STAU2: variants seen among roughly 807,000 people sequenced by gnomAD.
STAU2 encodes staufen double-stranded RNA binding protein 2.
A neutral mutation model predicts 65.9 loss-of-function variants in STAU2; 20 were observed. The observed-to-expected ratio is 0.30, with a 90% CI of 0.21 to 0.44. The LOEUF (loss-of-function observed/expected upper bound fraction) is 0.44. Ranked by LOEUF, STAU2 falls within the 20% of genes least tolerant of loss-of-function variation. The pLI, the probability that STAU2 is intolerant of heterozygous loss-of-function variation, is 1.00. For synonymous variants in STAU2, 232 were observed against 233.9 expected, an observed-to-expected ratio of 0.99 and a Z score of 0.07; for missense variants, 558 against 683.9, an observed-to-expected ratio of 0.82 and a Z score of 2.05.
At chr8:73,672,294 G>C (rs1046719533) in intron 6 of STAU2, 1 of 152,102 alleles carries the variant, frequency 6.6e-6, no homozygotes, top group African/African-American at 2.4e-5. Context: ...TTCAACAACA[G>C]GCAAAAACTA....
At chr8:73,724,693 T>TA (rs1563531177) in intron 3 of STAU2, among the ~76,000 whole-genome samples, 28 of 112,086 alleles carry the variant, frequency 2.5e-4, no homozygotes, top group Admixed American at 4.5e-4. Context: ...ATATATATAT[T>TA]TTTTTTTTTT....
Position 73,739,808 on chromosome 8 carries a change from T to C in STAU2, c.-136A>G. 1.3e-6 allele frequency: 2 copies of C among 1,524,930 alleles called. No homozygotes were observed. Among genetic ancestry groups the C allele is most frequent in the Non-Finnish European group, 1.8e-6 (2 of 1,140,072 alleles). The allele number at this position is 1,524,930 out of a possible 1,614,324, so 94.5% of individuals were successfully genotyped here. A position where few individuals can be genotyped will look rare whatever the true frequency, so the allele number is the denominator to read the frequency against. On this transcript the variant is annotated 5_prime_UTR_variant, in exon 2 of 15. Coordinates refer to ENST00000524300, the MANE Select transcript of STAU2 (RefSeq NM_001164380.2). ...GTGTATCTTTGAGTTCTTCTTTTTCTGTCTTCTTTTTTTTCTTCAATCTTT... is the reference window on the plus strand; with the variant it reads ...GTGTATCTTTGAGTTCTTCTTTTTCCGTCTTCTTTTTTTTCTTCAATCTTT...
chr8:73,568,492 A>G (rs576027123), intron 12 of STAU2, among the ~76,000 whole-genome samples: 22 of 152,196 alleles, frequency 1.4e-4, no homozygotes, highest in Non-Finnish European at 2.6e-4. Context: ...AAAATTAGCT[A>G]CTTGAAAGGC....
chr8:73,426,928 T>A (rs112034929), intron 13 of STAU2, among the ~76,000 whole-genome samples: 1,556 of 132,990 alleles, frequency 0.012, 29 homozygotes, highest in African/African-American at 0.04. Flanking sequence ...TTTTAAAGAT[T>A]TTTTTTTTTT....
At chr8:73,743,622 C>T (rs995894221) in intron 1 of STAU2, among the ~76,000 whole-genome samples, 7 of 151,604 alleles carry the variant, frequency 4.6e-5, no homozygotes, top group African/African-American at 9.7e-5. Context: ...TACAGGCATG[C>T]GCCACCACGG....
At chr8:73,683,244 C>T (rs575879037) in intron 5 of STAU2, among the ~76,000 whole-genome samples, 66 of 152,206 alleles carry the variant, frequency 4.3e-4, no homozygotes, top group African/African-American at 1.5e-3. Context: ...AATCCAACAG[C>T]GTATCGAAAA....
chr8:73,505,019 G>T (rs1821983498), intron 13 of STAU2, among the ~76,000 whole-genome samples: 1 of 151,970 alleles, frequency 6.6e-6, no homozygotes, highest in Non-Finnish European at 1.5e-5. Context: ...TTCTACTTAG[G>T]TGGGGACCAA....
intron 3 of STAU2, among the ~76,000 whole-genome samples, chr8:73,717,621 T>TG (rs1353588000): frequency 1.7e-4 from 22 of 132,522 alleles, no homozygotes; most frequent in African/African-American, 6.5e-4. Context: ...TCTATTTGTC[T>TG]TTTGTTGTTG....
intron 6 of STAU2, among the ~76,000 whole-genome samples, chr8:73,660,813 C>T (rs141555227): frequency 1.3e-5 from 2 of 152,100 alleles, no homozygotes; most frequent in African/African-American, 2.4e-5. Flanking sequence ...AATTTTAACA[C>T]GGGCCAAAAA....
chr8:73,470,579 C>T (rs1819934826), intron 13 of STAU2, among the ~76,000 whole-genome samples: 1 of 152,130 alleles, frequency 6.6e-6, no homozygotes, highest in African/African-American at 2.4e-5. Flanking sequence ...GGGAGGATTG[C>T]TTGAAGCCAG....
chr8:73,692,238 G>A (rs1034769623), intron 4 of STAU2, among the ~76,000 whole-genome samples: 2 of 149,288 alleles, frequency 1.3e-5, no homozygotes, highest in African/African-American at 5.0e-5. Flanking sequence ...TTGCTCTGTC[G>A]CCAAGGTTGG....
intron 13 of STAU2, among the ~76,000 whole-genome samples, chr8:73,485,335 A>G (rs1169044083): frequency 6.6e-6 from 1 of 151,754 alleles, no homozygotes; most frequent in Non-Finnish European, 1.5e-5. Flanking sequence ...TAAAATTATT[A>G]TTCATATAAC....
chr8:73,430,514 T>G (rs916788279), intron 13 of STAU2, among the ~76,000 whole-genome samples: 3 of 152,184 alleles, frequency 2.0e-5, no homozygotes, highest in African/African-American at 7.2e-5. Context: ...TGGAAAGAGA[T>G]GAGTTTGCTT....
chr8:73,635,188 G>A (rs1814397685), intron 6 of STAU2, among the ~76,000 whole-genome samples: 1 of 152,168 alleles, frequency 6.6e-6, no homozygotes, highest in South Asian at 2.1e-4. Flanking sequence ...AAATAAAGCA[G>A]TAACCCTATT....
At chr8:73,640,278 GAAA>G (rs556577704) in intron 6 of STAU2, among the ~76,000 whole-genome samples, 1 of 149,030 alleles carries the variant, frequency 6.7e-6, no homozygotes, top group East Asian at 1.9e-4. Context: ...ACTTCTACCA[GAAA>G]AAAAAAGAGA....
At chr8:73,530,348 G>A (rs971205622) in intron 13 of STAU2, among the ~76,000 whole-genome samples, 5 of 152,070 alleles carry the variant, frequency 3.3e-5, no homozygotes, top group Non-Finnish European at 7.3e-5. Context: ...CCAACATTTA[G>A]GGCTAGGCTT....
At chr8:73,491,423 G>A (rs1199155657) in intron 13 of STAU2, among the ~76,000 whole-genome samples, 1 of 151,900 alleles carries the variant, frequency 6.6e-6, no homozygotes, top group Non-Finnish European at 1.5e-5. Flanking sequence ...TTCTCAACAG[G>A]TGACTTAAAT....
At chr8:73,692,957 C>G (rs974686577) in intron 4 of STAU2, among the ~76,000 whole-genome samples, 1 of 150,032 alleles carries the variant, frequency 6.7e-6, no homozygotes, top group African/African-American at 2.5e-5. Context: ...CTCAGAAGTT[C>G]GAGACCAGCC....
At chr8:73,713,017 T>C (rs911476040) in intron 3 of STAU2, among the ~76,000 whole-genome samples, 6 of 152,200 alleles carry the variant, frequency 3.9e-5, no homozygotes, top group Non-Finnish European at 7.4e-5. Flanking sequence ...CACTGACTTA[T>C]AAACCCATAA....
Sources: gnomAD v4.1 joint callset for allele counts (sites outside exome capture counted in the v4.1 genomes callset) on GRCh38, gnomAD v4.1.1 for gene constraint, MANE v1.5 for transcripts, NCBI Gene and HGNC (gene_info 2026-07-23, HGNC 2026-07-21) for gene names.